The following MPDZ variants were observed in gnomAD, a reference collection of about 807,000 sequenced individuals.
The protein encoded by MPDZ is multiple PDZ domain crumbs cell polarity complex component.
MPDZ carries 234 observed loss-of-function variants against 239.1 expected under a neutral mutation model. That is an observed-to-expected ratio of 0.98 (90% CI 0.88 to 1.09). The LOEUF is 1.09. Among genes scored for constraint, MPDZ ranks in the 50% least tolerant of loss-of-function variants. The pLI, the probability that MPDZ is intolerant of heterozygous loss-of-function variation, is 0.00. For missense variants in MPDZ, 3,175 were observed against 2,510.0 expected (o/e 1.26, Z -5.66); for synonymous variants, 1,048 against 881.3 (o/e 1.19, Z -3.35).
At chr9:13,124,141 A>G (rs918327919) in intron 35 of MPDZ, among the ~76,000 whole-genome samples, 5 of 152,064 alleles carry the variant, frequency 3.3e-5, no homozygotes, top group Non-Finnish European at 7.4e-5. Flanking sequence ...GAAACAGACT[A>G]TTTTCTTGCT....
At chr9:13,190,385 G>A (rs1013272853) in intron 15 of MPDZ, 86 bp from the exon 16 acceptor site, 1 of 1,175,318 alleles carries the variant, frequency 8.5e-7, no homozygotes, top group African/African-American at 1.6e-5. Flanking sequence ...GATATTCCCA[G>A]CATCTGTCCA....
At position 13,114,005 on chromosome 9, in the gene MPDZ, A is replaced by C; in HGVS notation, c.5483T>G (p.Leu1828Arg). Reference protein sequence around the residue: ...SQSSQVSEGSLSSFTFPLSGS... With the variant: ...SQSSQVSEGSRSSFTFPLSGS... ...AGAGAGTGGAAAAGTGAAAGATGAC[A>C]GGCTGCCTTCACTCACCTACAAATA... is the stretch of plus-strand genomic sequence containing the variant. Residue 1828 changes from leucine (L) to arginine (R), a missense_variant, in exon 41 of 47, where the codon CTG becomes CGG. Leu to Arg is a moderately radical substitution (Grantham distance 102, BLOSUM62 -2). Transcript: ENST00000319217. The C allele has an allele frequency of 6.3e-7, 1 of 1,594,992 alleles. No individual in the cohort carries two copies. Among genetic ancestry groups the C allele is most frequent in the South Asian group, 1.1e-5 (1 of 87,470 alleles).
chr9:13,151,136 C>G (rs1486212890), intron 24 of MPDZ, among the ~76,000 whole-genome samples: 2 of 151,710 alleles, frequency 1.3e-5, no homozygotes, highest in Non-Finnish European at 2.9e-5. Context: ...CTACTACCTA[C>G]TAAAAACACA....
At chr9:13,260,135 C>G (rs1178658519) in intron 1 of MPDZ, among the ~76,000 whole-genome samples, 1 of 152,054 alleles carries the variant, frequency 6.6e-6, no homozygotes, top group East Asian at 1.9e-4. Flanking sequence ...GCCACTGCAC[C>G]CAGCCATTAA....
intron 19 of MPDZ, among the ~76,000 whole-genome samples, chr9:13,181,520 AG>A (rs1191167551): frequency 6.6e-6 from 1 of 152,196 alleles, no homozygotes; most frequent in African/African-American, 2.4e-5. Flanking sequence ...AAAAGCACAC[AG>A]GAGTTTCACA....
chr9:13,215,446 T>C lies in MPDZ; in HGVS notation c.1290+1328A>G, dbSNP rs138863553. Among the ~76,000 whole-genome samples the C allele has an allele frequency of 3.1e-4, 47 of 151,040 alleles. No individual in the cohort carries two copies. The South Asian group carries it at 3.3e-3, about 11-fold the overall frequency. On this transcript the variant is annotated intron_variant, in intron 10 of 46. Transcript: ENST00000319217. ...AATATGTGTGTATATATGATATATA[T>C]ATATATATCACATTTTGTTTATCCA...
chr9:13,166,161 G>A (rs1052795492), intron 22 of MPDZ, among the ~76,000 whole-genome samples: 9 of 152,070 alleles, frequency 5.9e-5, no homozygotes, highest in Admixed American at 5.9e-4. Context: ...CCTAGATCCA[G>A]GTAATGAGCA....
Position 13,115,400 on chromosome 9 carries a change from A to G in MPDZ, c.5380-66T>C, listed in dbSNP as rs1943244225. 1.7e-5 allele frequency: 23 copies of G among 1,332,286 alleles called. No homozygotes were observed. The East Asian group carries it at 3.1e-4, about 18-fold the overall frequency. 82.5% of individuals were successfully genotyped at this position (1,332,286 alleles called of 1,614,324 possible). On this transcript the variant is annotated intron_variant, in intron 39 of 46. Coordinates refer to ENST00000319217, the MANE Select transcript of MPDZ (RefSeq NM_001378778.1). ...ATAAAATGCTATAATCATCTTTAGG[A>G]ATACATTTTACTCTTCAAGACTTTT...
At chr9:13,147,730 T>C in intron 25 of MPDZ, 72 bp from the exon 26 acceptor site, 1 of 1,115,628 alleles carries the variant, frequency 9.0e-7, no homozygotes, top group Non-Finnish European at 1.3e-6. Context: ...GATATGGAGT[T>C]TTAGGGATAC....
In MPDZ at chr9:13,115,300, C is replaced by T; in HGVS notation, c.5414G>A (p.Arg1805Lys). Reference sequence around the variant, plus strand: ...TGAATGGAATGGACCAGCTTTGATTCTTCCAACTTCCAAGGTTACTGTGCC... The same window carrying T: ...TGAATGGAATGGACCAGCTTTGATTTTTCCAACTTCCAAGGTTACTGTGCC... ...SLGTVTLEVGRIKAGPFHSER... is the reference protein window; with the variant it reads ...SLGTVTLEVGKIKAGPFHSER... Residue 1805 changes from arginine (R) to lysine (K), a missense_variant, in exon 40 of 47, where the codon AGA (arginine) becomes AAA (lysine). Coordinates refer to ENST00000319217, the MANE Select transcript of MPDZ (RefSeq NM_001378778.1). 1 of 1,612,702 alleles carries T rather than the reference C, an allele frequency of 6.2e-7. No individual in the cohort carries two copies. Among genetic ancestry groups the T allele is most frequent in the Non-Finnish European group, 8.5e-7 (1 of 1,179,826 alleles).
intron 10 of MPDZ, among the ~76,000 whole-genome samples, chr9:13,207,007 T>A (rs1249644307): frequency 1.3e-5 from 2 of 152,062 alleles, no homozygotes; most frequent in African/African-American, 4.8e-5. Flanking sequence ...TGCTTTTATA[T>A]TCCTCAGGTG....
chr9:13,198,282 A>G (rs1490295735), intron 12 of MPDZ, among the ~76,000 whole-genome samples: 2 of 152,020 alleles, frequency 1.3e-5, no homozygotes, highest in Non-Finnish European at 2.9e-5. Context: ...TTTTGGATAA[A>G]AGCCATTTTA....
chr9:13,201,068 T>G (rs7028442), intron 12 of MPDZ, among the ~76,000 whole-genome samples: 1 of 152,100 alleles, frequency 6.6e-6, no homozygotes, highest in Non-Finnish European at 1.5e-5. Context: ...TTATTTTTTT[T>G]AATATATTTG....
rs1480806744 is a variant in MPDZ at position 13,221,784 on chromosome 9, TA to T, written c.748-285del. On this transcript the variant is annotated intron_variant, in intron 6 of 46. Transcript: ENST00000319217. ...TGCAAGATCTTTTGTAGAACTTCTT[TA>T]AAAAAAAAGAAAAAGTTCAAAGAAA... 2.0e-5 allele frequency among the ~76,000 whole-genome samples: 3 copies of T among 149,970 alleles called. 1 individual carries two copies. Among genetic ancestry groups the T allele is most frequent in the Admixed American group, 6.7e-5 (1 of 14,994 alleles).
chr9:13,222,273 G>C lies in MPDZ; in HGVS notation c.707C>G (p.Ser236Cys), dbSNP rs1959175965. 1 of 1,612,798 alleles carries C rather than the reference G, an allele frequency of 6.2e-7. No homozygotes were observed. Among genetic ancestry groups the C allele is most frequent in the South Asian group, 1.1e-5 (1 of 91,032 alleles). The change falls in exon 6 of 47, where the codon TCT (serine) becomes TGT (cysteine). Residue 236 changes from serine (S) to cysteine (C), a missense_variant. Transcript: ENST00000319217. ...PQLVSPIVSR[S>C]PSAASTISAH... ...TGAAATTGTGCTGGCTGCAGATGGA[G>C]AACGGGAAACTATGGGGCTGACAAG...
At chr9:13,233,308 G>C (rs898366615) in intron 3 of MPDZ, among the ~76,000 whole-genome samples, 1 of 152,052 alleles carries the variant, frequency 6.6e-6, no homozygotes, top group Middle Eastern at 3.2e-3. Flanking sequence ...GAGTGGACAA[G>C]TATATTCTAG....
chr9:13,264,207 T>C (rs1315408932), intron 1 of MPDZ, among the ~76,000 whole-genome samples: 1 of 152,060 alleles, frequency 6.6e-6, no homozygotes, highest in East Asian at 1.9e-4. Flanking sequence ...TTGAAAGTTA[T>C]TTTTATTTTT....
At chr9:13,223,900 G>A (rs1959654866) in intron 4 of MPDZ, among the ~76,000 whole-genome samples, 190 bp from the exon 5 acceptor site, 1 of 151,796 alleles carries the variant, frequency 6.6e-6, no homozygotes, top group Non-Finnish European at 1.5e-5. Context: ...TAAGTGTGGT[G>A]GCACACATCT....
chr9:13,241,805 T>C (rs1336002816), intron 3 of MPDZ, among the ~76,000 whole-genome samples: 1 of 152,208 alleles, frequency 6.6e-6, no homozygotes, highest in African/African-American at 2.4e-5. Flanking sequence ...CTCAACACTT[T>C]GGCCATGAAC....
Sources: allele counts gnomAD v4.1 joint callset (sites outside exome capture counted in the v4.1 genomes callset), GRCh38; gene constraint gnomAD v4.1.1; transcripts MANE v1.5; gene names NCBI Gene and HGNC (gene_info 2026-07-23, HGNC 2026-07-21).